P3H2: variants seen among roughly 807,000 people sequenced by gnomAD.
The protein encoded by P3H2 is prolyl 3-hydroxylase 2, also known as leprecan-like 1.
A neutral mutation model predicts 87.0 loss-of-function variants in P3H2; 80 were observed. The ratio of observed to expected loss-of-function variants is 0.92; its 90% CI spans 0.77 to 1.11. P3H2 has a LOEUF of 1.11. P3H2 is among the 50% of genes least tolerant of loss of function. The pLI is 0.00. For synonymous variants in P3H2, 367 were observed against 359.3 expected (o/e 1.02, Z -0.24); for missense variants, 1,001 against 923.9 (o/e 1.08, Z -1.08).
In P3H2 at chr3:190,050,422, T is replaced by C. The variant is rs1292639006; in HGVS notation, c.481-54980A>G. Among the ~76,000 whole-genome samples the C allele has an allele frequency of 2.6e-5, 4 of 152,244 alleles. No individual in the cohort carries two copies. The East Asian group carries it at 5.8e-4, about 22-fold the overall frequency. On this transcript the variant is annotated intron_variant, in intron 1 of 14. Coordinates refer to ENST00000319332, the MANE Select transcript of P3H2 (RefSeq NM_018192.4). ...CAAATTAATCCTCTCTACTTGTCAA[T>C]GTCTTAAGACATGGGGCTTCAAAAT... is the stretch of plus-strand genomic sequence containing the variant.
intron 2 of P3H2, among the ~76,000 whole-genome samples, chr3:189,994,726 C>T (rs1723994115): frequency 6.8e-6 from 1 of 146,394 alleles, no homozygotes; most frequent in Non-Finnish European, 1.5e-5. Context: ...ATTTTGGAGG[C>T]TACATGTTGA....
chr3:190,066,143 G>GTGTATATATA (rs58939026), intron 1 of P3H2, among the ~76,000 whole-genome samples: 2 of 138,800 alleles, frequency 1.4e-5, no homozygotes, highest in African/African-American at 5.7e-5. Flanking sequence ...ACTGTGGTGT[G>GTGTATATATA]TATATATATA....
chr3:190,081,891 A>G (rs985788384), intron 1 of P3H2, among the ~76,000 whole-genome samples: 1 of 152,232 alleles, frequency 6.6e-6, no homozygotes, highest in African/African-American at 2.4e-5. Flanking sequence ...TGTGCTGAAC[A>G]GCTAAGGCTT....
In P3H2 at chr3:190,020,274, G is replaced by A. The variant is rs537777365; in HGVS notation, c.481-24832C>T. On this transcript the variant is annotated intron_variant, in intron 1 of 14. Transcript: ENST00000319332. ...AAATCAGGAATAAGTCTTAGCACAC[G>A]AATGTGTGATCTTGCTAATGTAAAC... is the stretch of plus-strand genomic sequence containing the variant. 1.5e-5 allele frequency among the ~76,000 whole-genome samples: 2 copies of A among 134,524 alleles called. 1 individual carries two copies. The highest frequency in any genetic ancestry group is 5.1e-5 in the African/African-American group (2 of 38,956). The allele number at this position is 134,524 out of a possible 152,430, so 88.3% of individuals were successfully genotyped here. A position where few individuals can be genotyped will look rare whatever the true frequency, so the allele number is the denominator to read the frequency against.
In P3H2 at chr3:189,985,139, A is replaced by C. The variant is rs1256379680; in HGVS notation, c.1189-549T>G. On this transcript the variant is annotated intron_variant, in intron 6 of 14. Coordinates refer to ENST00000319332, the MANE Select transcript of P3H2 (RefSeq NM_018192.4). ...CATTTTAAAAAGTGTGCCTATAAAAACACGGCATAAGAAATGAAAAAAGGT... is the reference window on the plus strand; with the variant it reads ...CATTTTAAAAAGTGTGCCTATAAAACCACGGCATAAGAAATGAAAAAAGGT... Among the ~76,000 whole-genome samples the C allele has an allele frequency of 1.3e-5, 2 of 152,034 alleles. 1 individual carries two copies. Among genetic ancestry groups the C allele is most frequent in the African/African-American group, 4.8e-5 (2 of 41,450 alleles).
chr3:190,104,086 C>T (rs1352218285), intron 1 of P3H2, among the ~76,000 whole-genome samples: 1 of 152,128 alleles, frequency 6.6e-6, no homozygotes, highest in Non-Finnish European at 1.5e-5. Flanking sequence ...GCCACTGCAC[C>T]CTGCCTTCAG....
At chr3:189,976,571 G>A (rs981447842) in intron 8 of P3H2, among the ~76,000 whole-genome samples, 1 of 152,176 alleles carries the variant, frequency 6.6e-6, no homozygotes. Context: ...GATGTGGGTG[G>A]GGACACAGCT....
rs1019729514 is a variant in P3H2, at chr3:189,970,621, C to T, written c.1893+195G>A. ...ATTAATATCTCAATTCTTTAATTTA[C>T]TCATCTTTACAACGTACTAGATTTT... On this transcript the variant is annotated intron_variant, in intron 13 of 14. Transcript: ENST00000319332. 2.0e-5 allele frequency among the ~76,000 whole-genome samples: 3 copies of T among 152,140 alleles called. No homozygotes were observed. The East Asian group carries it at 5.8e-4, about 29-fold the overall frequency.
intron 13 of P3H2, among the ~76,000 whole-genome samples, chr3:189,968,515 A>T (rs1340935521): frequency 1.3e-5 from 2 of 152,132 alleles, no homozygotes; most frequent in African/African-American, 2.4e-5. Flanking sequence ...TTGGGTTGGT[A>T]CCAAGTCTTT....
chr3:190,038,769 T>A (rs1463219645), intron 1 of P3H2, among the ~76,000 whole-genome samples: 2 of 152,234 alleles, frequency 1.3e-5, no homozygotes, highest in African/African-American at 2.4e-5. Flanking sequence ...ATATTTATCA[T>A]ACACTGAATG....
At chr3:190,058,275 C>G (rs1726223906) in intron 1 of P3H2, among the ~76,000 whole-genome samples, 1 of 152,026 alleles carries the variant, frequency 6.6e-6, no homozygotes, top group Non-Finnish European at 1.5e-5. Context: ...GATAAGCTAC[C>G]CTCTCTCGTG....
chr3:189,971,701 C>T, intron 12 of P3H2, 189 bp downstream of exon 12: 1 of 586,800 alleles, frequency 1.7e-6, no homozygotes, highest in South Asian at 2.0e-5. Flanking sequence ...AAACTGTGCA[C>T]AATTTTTAAG....
chr3:189,960,226 T>C (rs1344313324), intron 14 of P3H2, among the ~76,000 whole-genome samples: 1 of 152,228 alleles, frequency 6.6e-6, no homozygotes, highest in Non-Finnish European at 1.5e-5. Context: ...TTGCCGCTCC[T>C]ACCCTTTCAC....
rs76612945 is a variant in P3H2 at position 189,999,616 on chromosome 3, C to T, written c.481-4174G>A. Among the ~76,000 whole-genome samples the T allele has an allele frequency of 5.8e-3, 880 of 152,258 alleles. 4 individuals carry two copies. The highest frequency in any genetic ancestry group is 0.02 in the African/African-American group (821 of 41,554). On this transcript the variant is annotated intron_variant, in intron 1 of 14. Transcript: ENST00000319332. The stretch of plus-strand genomic sequence containing the variant: ...AATGAAACAAACCAACAGCACACTA[C>T]AGTTAAAGGCTCCAAACTGGACTTC...
intron 1 of P3H2, among the ~76,000 whole-genome samples, chr3:190,074,657 T>C (rs1726811173): frequency 6.6e-6 from 1 of 152,232 alleles, no homozygotes. Flanking sequence ...CATCTCATTA[T>C]AACCAGAGGG....
chr3:190,009,217 T>C (rs918439875), intron 1 of P3H2, among the ~76,000 whole-genome samples: 1 of 151,826 alleles, frequency 6.6e-6, no homozygotes, highest in African/African-American at 2.4e-5. Context: ...GATGCCAAAG[T>C]GGGGTGGGGT....
intron 1 of P3H2, among the ~76,000 whole-genome samples, chr3:190,119,614 A>C (rs768664797): frequency 2.6e-5 from 4 of 152,218 alleles, no homozygotes; most frequent in Non-Finnish European, 5.9e-5. Context: ...CCCTCTATCA[A>C]AGGAGAAAAA....
intron 1 of P3H2, among the ~76,000 whole-genome samples, chr3:189,999,352 T>C (rs868113830): frequency 6.6e-6 from 1 of 152,188 alleles, no homozygotes; most frequent in Non-Finnish European, 1.5e-5. Flanking sequence ...GCTTTTAAAT[T>C]ATTGTGAACC....
intron 9 of P3H2, 94 bp downstream of exon 9, chr3:189,974,464 T>C (rs1212267397): frequency 2.0e-6 from 3 of 1,518,882 alleles, no homozygotes; most frequent in Non-Finnish European, 2.7e-6. Flanking sequence ...ATTTCAGGGC[T>C]TGTTGTCTGG....
Sources: allele counts gnomAD v4.1 joint callset (sites outside exome capture counted in the v4.1 genomes callset), GRCh38; gene constraint gnomAD v4.1.1; transcripts MANE v1.5; gene names NCBI Gene and HGNC (gene_info 2026-07-23, HGNC 2026-07-21).